Variants in ETV6 observed in about 807,000 individuals in gnomAD.
ETV6 encodes the protein transcription factor ETV6.
A neutral mutation model predicts 51.1 loss-of-function variants in ETV6; 16 were observed. The observed-to-expected ratio is 0.31, with a 90% CI of 0.21 to 0.48. ETV6 has a LOEUF of 0.48. ETV6 is among the 20% of genes least tolerant of loss of function. ETV6 has a pLI of 0.99. For missense variants in ETV6, 458 were observed against 594.8 expected (o/e 0.77, Z 2.39); for synonymous variants, 240 against 224.1 (o/e 1.07, Z -0.64).
chr12:11,740,356 A>C (rs1435823808), intron 1 of ETV6, among the ~76,000 whole-genome samples: 1 of 152,190 alleles, frequency 6.6e-6, no homozygotes, highest in Admixed American at 6.5e-5. Context: ...TAAACTTTCC[A>C]GATTTTCCTA....
intron 2 of ETV6, among the ~76,000 whole-genome samples, chr12:11,761,226 T>C (rs1227469891): frequency 2.0e-5 from 3 of 152,162 alleles, no homozygotes; most frequent in Non-Finnish European, 2.9e-5. Context: ...GATTTTTTTT[T>C]CCAATTTTTA....
chr12:11,650,254 G>A, intron 1 of ETV6, 94 bp downstream of exon 1: 1 of 1,082,326 alleles, frequency 9.2e-7, no homozygotes, highest in Non-Finnish European at 1.4e-6. Flanking sequence ...GGCTGTTGCA[G>A]TTGCTCTGTT....
At chr12:11,723,606 G>A (rs565829338) in intron 1 of ETV6, among the ~76,000 whole-genome samples, 1 of 152,254 alleles carries the variant, frequency 6.6e-6, no homozygotes, top group African/African-American at 2.4e-5. Flanking sequence ...CATAGTAGGA[G>A]TTTGGTGAAC....
At chr12:11,874,590 A>G (rs1424203526) in intron 5 of ETV6, among the ~76,000 whole-genome samples, 2 of 12,958 alleles carry the variant, frequency 1.5e-4, no homozygotes, top group African/African-American at 2.0e-4. Context: ...ATGTGTGTAT[A>G]CACATATATG....
chr12:11,886,223 A>G lies in ETV6; in HGVS notation c.1253+197A>G, dbSNP rs1947180721. Among the ~76,000 whole-genome samples the G allele has an allele frequency of 3.3e-5, 5 of 152,258 alleles. No individual in the cohort carries two copies. In the South Asian group the frequency reaches 1.0e-3, roughly 32 times the overall value. On this transcript the variant is annotated intron_variant, in intron 7 of 7. Transcript: ENST00000396373. ...TTTTTTAACTTATGTCTGTCCTGTAATAAAGCCAAAACTAAATGAACAGAA... is the reference window on the plus strand; with the variant it reads ...TTTTTTAACTTATGTCTGTCCTGTAGTAAAGCCAAAACTAAATGAACAGAA...
intron 2 of ETV6, among the ~76,000 whole-genome samples, chr12:11,829,706 G>A (rs539917230): frequency 5.9e-5 from 9 of 152,270 alleles, no homozygotes; most frequent in African/African-American, 2.2e-4. Flanking sequence ...AACATCATTC[G>A]AGGGAATTGA....
chr12:11,783,436 G>A (rs1232495806), intron 2 of ETV6, among the ~76,000 whole-genome samples: 1 of 152,174 alleles, frequency 6.6e-6, no homozygotes, highest in Non-Finnish European at 1.5e-5. Flanking sequence ...GATTGCTGTG[G>A]GTTGAAATGT....
rs545595528 is a variant in ETV6 at position 11,806,176 on chromosome 12, A to G, written c.164-32964A>G. 7.2e-5 allele frequency among the ~76,000 whole-genome samples: 11 copies of G among 152,310 alleles called. No individual in the cohort carries two copies. In the East Asian group the frequency reaches 1.9e-3, roughly 27 times the overall value. On this transcript the variant is annotated intron_variant, in intron 2 of 7. Coordinates refer to ENST00000396373, the MANE Select transcript of ETV6 (RefSeq NM_001987.5). ...TCTATTGCTCTTGCGTCTGTCACAC[A>G]GTTGAGGTTTTGGAATGAACTACGT...
chr12:11,699,704 G>A (rs1237007586), intron 1 of ETV6, among the ~76,000 whole-genome samples: 1 of 152,146 alleles, frequency 6.6e-6, no homozygotes, highest in Non-Finnish European at 1.5e-5. Context: ...ATAGGAAAAT[G>A]CTCTTCTGGG....
In ETV6 at chr12:11,891,515, AAG is replaced by A. The variant is rs1947286939; in HGVS notation, c.*473_*474del. On this transcript the variant is annotated 3_prime_UTR_variant, in exon 8 of 8. Coordinates refer to ENST00000396373, the MANE Select transcript of ETV6 (RefSeq NM_001987.5). ...GTGCGGCAAGCCCAGCTGGTCAGGA[AAG>A]AGAATACTTGCAGAGGGGTTCAGGT... The A allele has an allele frequency of 1.9e-6, 1 of 528,410 alleles. No individual in the cohort carries two copies. The highest frequency in any genetic ancestry group is 3.7e-6 in the Non-Finnish European group (1 of 273,128). The allele number at this position is 528,410 out of a possible 1,614,324, so 32.7% of individuals were successfully genotyped here.
At chr12:11,851,409 G>A (rs1328851551) in intron 3 of ETV6, among the ~76,000 whole-genome samples, 1 of 152,092 alleles carries the variant, frequency 6.6e-6, no homozygotes, top group Non-Finnish European at 1.5e-5. Context: ...TGTTGATTAG[G>A]GGCTTATTTT....
rs528571616 is a variant in ETV6, at chr12:11,780,600, G to A, written c.163+28021G>A. The stretch of plus-strand genomic sequence containing the variant: ...TTTTATTAGGATGCCACCACAGCTC[G>A]GCTGCCAGTGGACACATGAATTCGT... On this transcript the variant is annotated intron_variant, in intron 2 of 7. Coordinates refer to ENST00000396373, the MANE Select transcript of ETV6 (RefSeq NM_001987.5). Among the ~76,000 whole-genome samples the A allele has an allele frequency of 1.4e-4, 22 of 152,264 alleles. 1 individual carries two copies. The South Asian group carries it at 3.5e-3, about 24-fold the overall frequency.
At chr12:11,812,797 T>G (rs1331784771) in intron 2 of ETV6, among the ~76,000 whole-genome samples, 1 of 152,238 alleles carries the variant, frequency 6.6e-6, no homozygotes, top group Non-Finnish European at 1.5e-5. Context: ...TCATTTCTCC[T>G]GTGCTGGGGA....
chr12:11,774,133 G>T lies in ETV6; in HGVS notation c.163+21554G>T, dbSNP rs530086904. Among the ~76,000 whole-genome samples, 15 of 152,332 alleles carry T rather than the reference G, an allele frequency of 9.8e-5. 1 individual carries two copies. The South Asian group carries it at 2.9e-3, about 29-fold the overall frequency. On this transcript the variant is annotated intron_variant, in intron 2 of 7. Transcript: ENST00000396373. ...AAGTTGGCAGATCTCAGAAAGGGGA[G>T]GAAAAGGAGAGGTGCTTATTTGTTC...
At chr12:11,746,640 C>T (rs1328684850) in intron 1 of ETV6, among the ~76,000 whole-genome samples, 1 of 152,102 alleles carries the variant, frequency 6.6e-6, no homozygotes, top group African/African-American at 2.4e-5. Flanking sequence ...TGTATGATTG[C>T]ATAATTTGTA....
intron 4 of ETV6, among the ~76,000 whole-genome samples, chr12:11,861,573 C>T (rs756201979): frequency 4.6e-5 from 7 of 152,174 alleles, no homozygotes; most frequent in Admixed American, 2.0e-4. Flanking sequence ...CTAGGGCTAG[C>T]GTGCTCTCTT....
intron 5 of ETV6, among the ~76,000 whole-genome samples, chr12:11,883,311 T>TGAGA (rs1947134728): frequency 9.3e-6 from 1 of 107,460 alleles, no homozygotes; most frequent in Non-Finnish European, 2.0e-5. Context: ...TTTTTTTTTT[T>TGAGA]GAGACTGAGT....
chr12:11,668,127 C>T (rs1345454787), intron 1 of ETV6, among the ~76,000 whole-genome samples: 2 of 151,190 alleles, frequency 1.3e-5, no homozygotes, highest in African/African-American at 2.4e-5. Context: ...AACCGCCACA[C>T]CCAGCTGAGA....
chr12:11,845,159 C>T (rs1946443980), intron 3 of ETV6, among the ~76,000 whole-genome samples: 2 of 152,106 alleles, frequency 1.3e-5, no homozygotes, highest in African/African-American at 2.4e-5. Context: ...TTTGCCTGTC[C>T]CATTTGTGAA....
Sources: gnomAD v4.1 joint callset for allele counts (sites outside exome capture counted in the v4.1 genomes callset) on GRCh38, gnomAD v4.1.1 for gene constraint, MANE v1.5 for transcripts, NCBI Gene and HGNC (gene_info 2026-07-23, HGNC 2026-07-21) for gene names.